The following MPV17L2 variants were observed in gnomAD, a reference collection of about 807,000 sequenced individuals.
The protein encoded by MPV17L2 is MPV17 mitochondrial inner membrane protein like 2.
Under a neutral mutation model 24.2 loss-of-function variants are expected in MPV17L2, and 25 were observed. That is an observed-to-expected ratio of 1.03 (90% CI 0.75 to 1.44). The LOEUF (loss-of-function observed/expected upper bound fraction) is 1.44, where lower values mean the gene tolerates loss of function less well. MPV17L2 is among the 40% of genes most tolerant of loss of function. The pLI, the probability that MPV17L2 is intolerant of heterozygous loss-of-function variation, is 0.00. For synonymous variants in MPV17L2, 130 were observed against 121.4 expected (o/e 1.07, Z -0.46); for missense variants, 271 against 276.2 (o/e 0.98, Z 0.13).
rs893036205 is a variant in MPV17L2 at position 18,193,218 on chromosome 19, G to T, written c.-64G>T. 4 of 1,402,870 alleles carry T rather than the reference G, an allele frequency of 2.9e-6. No homozygotes were observed. The highest frequency in any genetic ancestry group is 3.0e-5 in the African/African-American group (2 of 65,814). 86.9% of individuals were successfully genotyped at this position (1,402,870 alleles called of 1,614,324 possible). A position where few individuals can be genotyped will look rare whatever the true frequency, so the allele number is the denominator to read the frequency against. ...GGGCGGGCAATTTGGGATCGACAGT[G>T]ACTCGCGACTGGTCGGCGCGGCGAA... On this transcript the variant is annotated 5_prime_UTR_variant, in exon 1 of 5. Coordinates refer to ENST00000599612, the MANE Select transcript of MPV17L2 (RefSeq NM_032683.3).
chr19:18,193,672 A>G, intron 1 of MPV17L2, 192 bp from the exon 2 acceptor site: 1 of 1,430,226 alleles, frequency 7.0e-7, no homozygotes, highest in Non-Finnish European at 9.1e-7. Flanking sequence ...ACTACCCAGG[A>G]GCCTCTGGAG....
At position 18,196,144 on chromosome 19, in the gene MPV17L2, G is replaced by A. The variant is rs772682000; in HGVS notation, c.*89G>A. On this transcript the variant is annotated 3_prime_UTR_variant, in exon 5 of 5. Transcript: ENST00000599612. ...GGGAATGGGCTCCTGCAGCAAGCTC[G>A]GGTCTTGAGCCACGTCCCAGCACCA... is the stretch of plus-strand genomic sequence containing the variant. The A allele has an allele frequency of 3.8e-5, 61 of 1,602,188 alleles. No individual in the cohort carries two copies. In the South Asian group the frequency reaches 5.2e-4, roughly 14 times the overall value.
At chr19:18,195,824 G>A (rs1337287575) in intron 4 of MPV17L2, among the ~76,000 whole-genome samples, 175 bp from the exon 5 acceptor site, 1 of 152,220 alleles carries the variant, frequency 6.6e-6, no homozygotes, top group Non-Finnish European at 1.5e-5. Flanking sequence ...GCGACAGTTC[G>A]AGACTCCGTC....
At position 18,195,015 on chromosome 19, in the gene MPV17L2, C is replaced by G; in HGVS notation, c.493C>G (p.Gln165Glu). The G allele has an allele frequency of 2.5e-6, 4 of 1,614,172 alleles. No individual in the cohort carries two copies. The highest frequency in any genetic ancestry group is 3.4e-6 in the Non-Finnish European group (4 of 1,179,996). The change falls in exon 4 of 5, where the codon CAA becomes GAA. Residue 165 changes from glutamine to glutamate, a missense_variant. Transcript: ENST00000599612. ...CGTGAACTTCCTCTTCGTGCCCCCC[C>G]AATTTCGAGTCACCTACATCAACGG... is the stretch of plus-strand genomic sequence containing the variant. The part of the protein sequence containing the change: ...QFVNFLFVPP[Q>E]FRVTYINGLT...
rs1967526366 is a variant in MPV17L2 at position 18,196,716 on chromosome 19, T to G, written c.*661T>G. On this transcript the variant is annotated 3_prime_UTR_variant, in exon 5 of 5. Coordinates refer to ENST00000599612, the MANE Select transcript of MPV17L2 (RefSeq NM_032683.3). ...TAGCAAGACCCTGTCTCTATTTATA[T>G]TGAAAAATAAAAATAACAAAAGAAA... The G allele has an allele frequency of 3.1e-6, 1 of 319,780 alleles. No homozygotes were observed. The allele number at this position is 319,780 out of a possible 1,614,324, so 19.8% of individuals were successfully genotyped here. A position where few individuals can be genotyped will look rare whatever the true frequency, so the allele number is the denominator to read the frequency against.
rs755028466 is a variant in MPV17L2 at position 18,194,051 on chromosome 19, G to A, written c.358+17G>A. On this transcript the variant is annotated intron_variant, in intron 2 of 4. Coordinates refer to ENST00000599612, the MANE Select transcript of MPV17L2 (RefSeq NM_032683.3). The stretch of plus-strand genomic sequence containing the variant: ...ACTTCTTGGGTAAGGAGCCTCCTAA[G>A]CCTAGGCTTTGCCTCTCATAGGTCG... The A allele has an allele frequency of 6.2e-7, 1 of 1,612,122 alleles. No homozygotes were observed. Among genetic ancestry groups the A allele is most frequent in the South Asian group, 1.1e-5 (1 of 90,840 alleles).
Position 18,196,468 on chromosome 19 carries a change from G to T in MPV17L2, c.*413G>T. 1 of 1,290,446 alleles carries T rather than the reference G, an allele frequency of 7.7e-7. No individual in the cohort carries two copies. Among genetic ancestry groups the T allele is most frequent in the Non-Finnish European group, 1.0e-6 (1 of 989,266 alleles). The allele number at this position is 1,290,446 out of a possible 1,614,324, so 79.9% of individuals were successfully genotyped here. A position where few individuals can be genotyped will look rare whatever the true frequency, so the allele number is the denominator to read the frequency against. On this transcript the variant is annotated 3_prime_UTR_variant, in exon 5 of 5. Coordinates refer to ENST00000599612, the MANE Select transcript of MPV17L2 (RefSeq NM_032683.3). Reference sequence around the variant, plus strand: ...GGACATGACTGATCCCCTCAGAGCAGGCTCAGGCCTGGAGTCGGCCCCCAA... The same window carrying T: ...GGACATGACTGATCCCCTCAGAGCATGCTCAGGCCTGGAGTCGGCCCCCAA...
intron 1 of MPV17L2, 87 bp from the exon 2 acceptor site, chr19:18,193,777 T>A (rs377608843): frequency 6.4e-7 from 1 of 1,558,316 alleles, no homozygotes; most frequent in South Asian, 1.2e-5. Context: ...GCATTGGGCT[T>A]ACCCAGGCCT....
intron 3 of MPV17L2, 22 bp downstream of exon 3, chr19:18,194,875 A>C (rs761363562): frequency 1.2e-6 from 2 of 1,600,574 alleles, no homozygotes; most frequent in Admixed American, 3.4e-5. Flanking sequence ...CGCCCCTTGC[A>C]CATGTCCGGC....
rs1037243864 is a variant in MPV17L2, at chr19:18,193,730, C to T, written c.188-134C>T. ...TAGTGGAAGAATGCACGGGTGGGCT[C>T]TTCCGGTTTTCCCGGTGAGGCTGAG... On this transcript the variant is annotated intron_variant, in intron 1 of 4. Coordinates refer to ENST00000599612, the MANE Select transcript of MPV17L2 (RefSeq NM_032683.3). 50 of 1,483,442 alleles carry T rather than the reference C, an allele frequency of 3.4e-5. No homozygotes were observed. In the South Asian group the frequency reaches 6.7e-4, roughly 20 times the overall value. The allele number at this position is 1,483,442 out of a possible 1,614,324, so 91.9% of individuals were successfully genotyped here.
At position 18,194,136 on chromosome 19, in the gene MPV17L2, CCT is replaced by C. The variant is rs141562225; in HGVS notation, c.358+103_358+104del. 4,985 of 1,366,820 alleles carry C rather than the reference CCT, an allele frequency of 3.6e-3. 147 individuals carry two copies. The African/African-American group carries it at 0.063, about 17-fold the overall frequency. The allele number at this position is 1,366,820 out of a possible 1,614,324, so 84.7% of individuals were successfully genotyped here. ...GCAGAGGTGCATTTCCAATTTGCCC[CCT>C]GTTTGGGTCGCCCTGGACTAGGAGC... On this transcript the variant is annotated intron_variant, in intron 2 of 4. Transcript: ENST00000599612.
At chr19:18,194,272 T>C (rs931549112) in intron 2 of MPV17L2, 5 of 541,754 alleles carry the variant, frequency 9.2e-6, no homozygotes, top group Non-Finnish European at 1.7e-5. Flanking sequence ...GTTGAGAGCA[T>C]TTCCCAAAGA....
chr19:18,193,804 G>A, intron 1 of MPV17L2, 60 bp from the exon 2 acceptor site: 1 of 1,590,080 alleles, frequency 6.3e-7, no homozygotes, highest in Non-Finnish European at 8.6e-7. Flanking sequence ...GGGAGGGAGA[G>A]AGGGAATGGA....
intron 4 of MPV17L2, 126 bp downstream of exon 4, chr19:18,195,212 C>T: frequency 7.0e-7 from 1 of 1,435,650 alleles, no homozygotes; most frequent in Non-Finnish European, 9.3e-7. Flanking sequence ...ACAACCCACA[C>T]CCAACAGTGG....
chr19:18,196,754 A>T lies in MPV17L2; in HGVS notation c.*699A>T, dbSNP rs1457568292. 9.2e-6 allele frequency: 3 copies of T among 325,100 alleles called. No homozygotes were observed. Among genetic ancestry groups the T allele is most frequent in the South Asian group, 7.7e-5 (3 of 39,028 alleles). 20.1% of individuals were successfully genotyped at this position (325,100 alleles called of 1,614,324 possible). A position where few individuals can be genotyped will look rare whatever the true frequency, so the allele number is the denominator to read the frequency against. On this transcript the variant is annotated 3_prime_UTR_variant, in exon 5 of 5. Transcript: ENST00000599612. The stretch of plus-strand genomic sequence containing the variant: ...ATAACAAAAGAAAATGCTGTGGATG[A>T]TCAAAACCAGGGTGGGCAGGACCCG...
At chr19:18,194,235 A>G in intron 2 of MPV17L2, 1 of 609,500 alleles carries the variant, frequency 1.6e-6, no homozygotes. Flanking sequence ...CGAGGACTGT[A>G]TCTGTTGGGG....
chr19:18,195,989 G>A lies in MPV17L2; in HGVS notation c.565-10G>A. 6.2e-7 allele frequency: 1 copy of A among 1,601,624 alleles called. No individual in the cohort carries two copies. The highest frequency in any genetic ancestry group is 8.5e-7 in the Non-Finnish European group (1 of 1,172,428). On this transcript the variant is annotated splice_polypyrimidine_tract_variant and intron_variant, in intron 4 of 4. Transcript: ENST00000599612. Reference sequence around the variant, plus strand: ...GGCTTCTGACCAGATGCCTTGTCTTGTGTGGACAGAGCCCAGTTCCTCTGA... The same window carrying A: ...GGCTTCTGACCAGATGCCTTGTCTTATGTGGACAGAGCCCAGTTCCTCTGA...
intron 2 of MPV17L2, 129 bp downstream of exon 2, chr19:18,194,163 C>T: frequency 9.9e-7 from 1 of 1,014,490 alleles, no homozygotes; most frequent in East Asian, 2.6e-5. Flanking sequence ...GGACTAGGAG[C>T]CAGGTCACAG....
Position 18,194,995 on chromosome 19 carries a change from A to G in MPV17L2, c.473A>G (p.Asn158Ser). ...GTGTGGCCTGCTGCGCAGTTCGTGA[A>G]CTTCCTCTTCGTGCCCCCCCAATTT... ...WCVWPAAQFV[N>S]FLFVPPQFRV... Residue 158 changes from asparagine to serine, a missense_variant, in exon 4 of 5, where the codon AAC (asparagine) becomes AGC (serine). Transcript: ENST00000599612. The G allele has an allele frequency of 6.2e-7, 1 of 1,613,842 alleles. No homozygotes were observed. Among genetic ancestry groups the G allele is most frequent in the Non-Finnish European group, 8.5e-7 (1 of 1,179,904 alleles).
Sources: allele counts gnomAD v4.1 joint callset (sites outside exome capture counted in the v4.1 genomes callset), GRCh38; gene constraint gnomAD v4.1.1; transcripts MANE v1.5; gene names NCBI Gene and HGNC (gene_info 2026-07-23, HGNC 2026-07-21).